Variants in NXPH1 observed in about 807,000 individuals in gnomAD.
NXPH1 encodes the protein neurexophilin 1, also known as neurexophilin-1.
A neutral mutation model predicts 23.7 loss-of-function variants in NXPH1; 5 were observed. The observed-to-expected ratio is 0.21, with a 90% confidence interval of 0.11 to 0.44. The LOEUF (loss-of-function observed/expected upper bound fraction) is 0.44. NXPH1 is among the 20% of genes least tolerant of loss of function. The probability of loss-of-function intolerance (pLI) is 0.99; values close to 1 mark genes in which losing one functional copy is unlikely to be tolerated. For missense variants in NXPH1, 324 were observed against 321.6 expected (o/e 1.01, Z -0.06); for synonymous variants, 144 against 122.2 (o/e 1.18, Z -1.18).
chr7:8,674,584 C>G (rs939704862), intron 2 of NXPH1, among the ~76,000 whole-genome samples: 3 of 152,168 alleles, frequency 2.0e-5, no homozygotes, highest in Non-Finnish European at 4.4e-5. Flanking sequence ...ACAAAACTCA[C>G]TCTAAAGGAG....
chr7:8,440,112 T>C (rs1816272031), intron 2 of NXPH1, among the ~76,000 whole-genome samples: 1 of 152,200 alleles, frequency 6.6e-6, no homozygotes, highest in South Asian at 2.1e-4. Context: ...GGATTCAGAC[T>C]AGATTTTTGG....
intron 2 of NXPH1, among the ~76,000 whole-genome samples, chr7:8,734,543 A>G (rs1296883536): frequency 6.6e-6 from 1 of 151,968 alleles, no homozygotes; most frequent in African/African-American, 2.4e-5. Flanking sequence ...GTCCTCTCTT[A>G]TTTCCTTGAG....
intron 2 of NXPH1, among the ~76,000 whole-genome samples, chr7:8,533,488 T>C (rs984040479): frequency 6.6e-6 from 1 of 152,058 alleles, no homozygotes; most frequent in Admixed American, 6.5e-5. Flanking sequence ...TTAGCATTTT[T>C]AAAAAAATTC....
chr7:8,509,611 C>T (rs967616448), intron 2 of NXPH1, among the ~76,000 whole-genome samples: 1 of 152,032 alleles, frequency 6.6e-6, no homozygotes, highest in African/African-American at 2.4e-5. Flanking sequence ...TGTTAGGGAG[C>T]TTGCAAGGAT....
At chr7:8,601,044 A>G (rs1400618358) in intron 2 of NXPH1, among the ~76,000 whole-genome samples, 1 of 152,170 alleles carries the variant, frequency 6.6e-6, no homozygotes, top group Non-Finnish European at 1.5e-5. Context: ...AAGGATATGC[A>G]TAATTTATAT....
intron 2 of NXPH1, among the ~76,000 whole-genome samples, chr7:8,712,175 C>T (rs973540763): frequency 6.6e-6 from 1 of 152,156 alleles, no homozygotes; most frequent in Non-Finnish European, 1.5e-5. Context: ...AGATCAAAAA[C>T]GAACACAAGT....
chr7:8,629,207 C>T (rs1290182441), intron 2 of NXPH1, among the ~76,000 whole-genome samples: 1 of 151,732 alleles, frequency 6.6e-6, no homozygotes, highest in African/African-American at 2.4e-5. Context: ...GTAAAAAATC[C>T]AATATGTAAA....
At chr7:8,536,246 G>A (rs1818023518) in intron 2 of NXPH1, among the ~76,000 whole-genome samples, 1 of 152,016 alleles carries the variant, frequency 6.6e-6, no homozygotes, top group East Asian at 1.9e-4. Flanking sequence ...TCACTCACAT[G>A]TATCAACGCA....
chr7:8,729,941 G>A (rs1780121084), intron 2 of NXPH1, among the ~76,000 whole-genome samples: 2 of 143,584 alleles, frequency 1.4e-5, no homozygotes, highest in Middle Eastern at 4.0e-3. Context: ...ACAGTGGGGT[G>A]TTAAAGTCTC....
chr7:8,436,797 C>A (rs1816203775), intron 2 of NXPH1, among the ~76,000 whole-genome samples: 1 of 152,128 alleles, frequency 6.6e-6, no homozygotes, highest in Non-Finnish European at 1.5e-5. Flanking sequence ...ATGGGCTACA[C>A]CTCTGATTGG....
intron 2 of NXPH1, among the ~76,000 whole-genome samples, chr7:8,601,556 A>G (rs1819361301): frequency 6.6e-6 from 1 of 152,268 alleles, no homozygotes; most frequent in African/African-American, 2.4e-5. Flanking sequence ...ATATTATTCC[A>G]GGAATGATTA....
At chr7:8,697,823 A>G (rs1335702338) in intron 2 of NXPH1, among the ~76,000 whole-genome samples, 1 of 152,162 alleles carries the variant, frequency 6.6e-6, no homozygotes, top group Non-Finnish European at 1.5e-5. Flanking sequence ...AAGCTTGATG[A>G]ATTTTAGGAC....
intron 2 of NXPH1, among the ~76,000 whole-genome samples, chr7:8,529,115 CCTT>C (rs1817911173): frequency 6.6e-6 from 1 of 152,234 alleles, no homozygotes; most frequent in Admixed American, 6.5e-5. Flanking sequence ...TGCATTTACT[CCTT>C]CTCACCCTGG....
chr7:8,707,624 A>T (rs1423139104), intron 2 of NXPH1, among the ~76,000 whole-genome samples: 1 of 152,100 alleles, frequency 6.6e-6, no homozygotes, highest in African/African-American at 2.4e-5. Context: ...ATACAGATCC[A>T]TCAGGATCTG....
At chr7:8,634,665 GTTTTTTTT>G (rs144810873) in intron 2 of NXPH1, among the ~76,000 whole-genome samples, 66 of 95,682 alleles carry the variant, frequency 6.9e-4, no homozygotes, top group African/African-American at 1.2e-3. Context: ...GTCCAGAAGA[GTTTTTTTT>G]TTTTTTTTTT....
rs1329168855 is a variant in NXPH1 at position 8,752,081 on chromosome 7, G to A, written c.*312G>A. On this transcript the variant is annotated 3_prime_UTR_variant, in exon 3 of 3. Transcript: ENST00000405863. ...CGTCTATCATGATTCCTGTTGAGAG[G>A]GCTTTCATTGTCTGACTCATAATGG... The A allele has an allele frequency of 2.0e-5, 5 of 251,280 alleles. No homozygotes were observed. The highest frequency in any genetic ancestry group is 2.0e-4 in the South Asian group (2 of 9,926). 15.6% of individuals were successfully genotyped at this position (251,280 alleles called of 1,614,324 possible). A position where few individuals can be genotyped will look rare whatever the true frequency, so the allele number is the denominator to read the frequency against.
intron 2 of NXPH1, among the ~76,000 whole-genome samples, chr7:8,540,343 C>G (rs1301476923): frequency 1.3e-5 from 2 of 151,780 alleles, no homozygotes; most frequent in Non-Finnish European, 2.9e-5. Flanking sequence ...TACACTGAAA[C>G]AACCAAGAAT....
At chr7:8,651,541 C>T (rs945998381) in intron 2 of NXPH1, among the ~76,000 whole-genome samples, 11 of 151,766 alleles carry the variant, frequency 7.2e-5, no homozygotes, top group Admixed American at 1.3e-4. Flanking sequence ...CCTGAGGAAT[C>T]ACCACACTGA....
At chr7:8,735,316 A>G (rs79033660) in intron 2 of NXPH1, among the ~76,000 whole-genome samples, 3 of 152,158 alleles carry the variant, frequency 2.0e-5, no homozygotes, top group Non-Finnish European at 4.4e-5. Flanking sequence ...GATATGTTCC[A>G]TCAATACCTA....
Sources: gnomAD v4.1 joint callset for allele counts (sites outside exome capture counted in the v4.1 genomes callset) on GRCh38, gnomAD v4.1.1 for gene constraint, MANE v1.5 for transcripts, NCBI Gene and HGNC (gene_info 2026-07-23, HGNC 2026-07-21) for gene names.